The following CCDC102B variants were observed in gnomAD, a reference collection of about 807,000 sequenced individuals.
CCDC102B encodes the protein coiled-coil domain-containing protein 102B.
In CCDC102B, 75 loss-of-function variants were observed where a neutral mutation model predicts 57.4. The observed-to-expected ratio is 1.31, with a 90% CI of 1.08 to 1.58. The LOEUF (loss-of-function observed/expected upper bound fraction) is 1.58, where lower values mean the gene tolerates loss of function less well. Ranked by LOEUF, CCDC102B falls within the 40% of genes most tolerant of loss-of-function variation. The pLI is 0.00. For synonymous variants in CCDC102B, 206 were observed against 201.9 expected (o/e 1.02, Z -0.17); for missense variants, 636 against 582.6 (o/e 1.09, Z -0.94).
At chr18:68,829,489 T>A (rs1000538154) in intron 1 of CCDC102B, among the ~76,000 whole-genome samples, 1 of 152,038 alleles carries the variant, frequency 6.6e-6, no homozygotes, top group Non-Finnish European at 1.5e-5. Context: ...TTTGTCTTGA[T>A]TGAAAAAATA....
intron 6 of CCDC102B, among the ~76,000 whole-genome samples, chr18:68,986,520 C>T (rs2050727405): frequency 6.6e-6 from 1 of 152,120 alleles, no homozygotes; most frequent in Non-Finnish European, 1.5e-5. Flanking sequence ...CTATGACAAA[C>T]TTACTGCCAA....
At chr18:68,731,866 G>A (rs538158269) in intron 2 of CCDC102B, among the ~76,000 whole-genome samples, 25 of 143,964 alleles carry the variant, frequency 1.7e-4, no homozygotes, top group African/African-American at 6.0e-4. Flanking sequence ...ACAGAAAATT[G>A]TACGAATTAG....
intron 2 of CCDC102B, among the ~76,000 whole-genome samples, chr18:68,789,906 C>G (rs1283207875): frequency 6.6e-6 from 1 of 152,046 alleles, no homozygotes; most frequent in Non-Finnish European, 1.5e-5. Context: ...GAGAGGTTCT[C>G]TGCTTTTTAG....
chr18:68,833,841 G>A (rs1401719208), intron 1 of CCDC102B, among the ~76,000 whole-genome samples: 2 of 152,062 alleles, frequency 1.3e-5, no homozygotes, highest in Non-Finnish European at 2.9e-5. Flanking sequence ...AGGAATCATG[G>A]TGGCCTGATT....
At chr18:68,982,108 A>G (rs570211170) in intron 6 of CCDC102B, among the ~76,000 whole-genome samples, 104 of 152,112 alleles carry the variant, frequency 6.8e-4, no homozygotes, top group African/African-American at 2.4e-3. Flanking sequence ...TGAGACATCA[A>G]TCCTGTCTGT....
chr18:69,007,793 C>G (rs932125375), intron 6 of CCDC102B, among the ~76,000 whole-genome samples: 1 of 152,200 alleles, frequency 6.6e-6, no homozygotes, highest in Non-Finnish European at 1.5e-5. Flanking sequence ...AACATGAATG[C>G]CAGGGCTCTG....
At chr18:69,046,246 A>C (rs1241740732) in intron 7 of CCDC102B, among the ~76,000 whole-genome samples, 1 of 152,182 alleles carries the variant, frequency 6.6e-6, no homozygotes, top group Non-Finnish European at 1.5e-5. Flanking sequence ...TATCCTCTGC[A>C]ACCTCGCCAG....
At chr18:68,928,482 G>A (rs1323996077) in intron 6 of CCDC102B, among the ~76,000 whole-genome samples, 1 of 151,880 alleles carries the variant, frequency 6.6e-6, no homozygotes, top group Non-Finnish European at 1.5e-5. Context: ...AAAACACTGA[G>A]TGCAGGAGGA....
chr18:68,845,376 A>G (rs8084222), intron 3 of CCDC102B, among the ~76,000 whole-genome samples: 44,107 of 151,598 alleles, frequency 0.29, 6,840 homozygotes, highest in Non-Finnish European at 0.34. Flanking sequence ...GTAACTAACA[A>G]TCACAAAATC....
intron 7 of CCDC102B, among the ~76,000 whole-genome samples, chr18:69,024,744 T>G (rs1048864503): frequency 2.0e-5 from 3 of 152,010 alleles, no homozygotes; most frequent in African/African-American, 7.2e-5. Flanking sequence ...TGAATAAACA[T>G]TAACAGAATA....
chr18:68,895,569 A>G (rs921350408), intron 5 of CCDC102B, among the ~76,000 whole-genome samples: 1 of 151,808 alleles, frequency 6.6e-6, no homozygotes, highest in Non-Finnish European at 1.5e-5. Flanking sequence ...ATGTTAAAAC[A>G]AGTAATTTAG....
chr18:68,818,357 A>T (rs1459820747), intron 1 of CCDC102B, among the ~76,000 whole-genome samples: 2 of 152,232 alleles, frequency 1.3e-5, no homozygotes, highest in African/African-American at 4.8e-5. Flanking sequence ...GACAGTACTT[A>T]GCAATTGGCT....
At chr18:69,047,384 C>T (rs952945855) in intron 7 of CCDC102B, among the ~76,000 whole-genome samples, 5 of 151,988 alleles carry the variant, frequency 3.3e-5, no homozygotes, top group African/African-American at 4.8e-5. Flanking sequence ...ATTGAAGGAC[C>T]ATACTTCAAA....
At chr18:68,948,291 G>A (rs2049596086) in intron 6 of CCDC102B, among the ~76,000 whole-genome samples, 1 of 151,908 alleles carries the variant, frequency 6.6e-6, no homozygotes, top group East Asian at 1.9e-4. Context: ...TTTTCTTTTA[G>A]ATATAGCATA....
chr18:68,810,248 C>T (rs534401332), intron 1 of CCDC102B, among the ~76,000 whole-genome samples: 24 of 152,268 alleles, frequency 1.6e-4, no homozygotes, highest in Non-Finnish European at 2.2e-4. Context: ...ATTCAATTTT[C>T]AGATAGATTT....
At chr18:68,800,854 G>T (rs1055975312) in intron 1 of CCDC102B, among the ~76,000 whole-genome samples, 2 of 152,130 alleles carry the variant, frequency 1.3e-5, no homozygotes, top group Admixed American at 1.3e-4. Flanking sequence ...CAGTAAAAAA[G>T]AATAGAACTT....
chr18:68,795,705 C>T (rs1299161975), upstream of CCDC102B, among the ~76,000 whole-genome samples: 4 of 152,130 alleles, frequency 2.6e-5, no homozygotes, highest in African/African-American at 4.8e-5. Context: ...AGTATGGCCT[C>T]AGTGTAACCT....
intron 6 of CCDC102B, among the ~76,000 whole-genome samples, chr18:68,910,553 G>T (rs986329636): frequency 6.6e-6 from 1 of 152,098 alleles, no homozygotes; most frequent in African/African-American, 2.4e-5. Flanking sequence ...AACTCCCTGG[G>T]CCAGGAGGAG....
At chr18:69,039,295 A>G (rs979741867) in intron 7 of CCDC102B, among the ~76,000 whole-genome samples, 1 of 152,012 alleles carries the variant, frequency 6.6e-6, no homozygotes, top group Non-Finnish European at 1.5e-5. Flanking sequence ...TTATATAGTT[A>G]TATCTAACAG....
Sources: allele counts gnomAD v4.1 joint callset (sites outside exome capture counted in the v4.1 genomes callset), GRCh38; gene constraint gnomAD v4.1.1; transcripts MANE v1.5; gene names NCBI Gene and HGNC (gene_info 2026-07-23, HGNC 2026-07-21).